Variants in TSPAN9 observed in about 807,000 individuals in gnomAD.
TSPAN9 encodes the protein tetraspanin 9.
A neutral mutation model predicts 31.0 loss-of-function variants in TSPAN9; 16 were observed. The ratio of observed to expected loss-of-function variants is 0.52; its 90% CI spans 0.35 to 0.78. The LOEUF (loss-of-function observed/expected upper bound fraction) is 0.78, where lower values mean the gene tolerates loss of function less well. TSPAN9 is among the 30% of genes least tolerant of loss of function. TSPAN9 has a pLI of 0.01. For synonymous variants in TSPAN9, 145 were observed against 121.6 expected (o/e 1.19, Z -1.27); for missense variants, 272 against 312.5 (o/e 0.87, Z 0.98).
At chr12:3,216,421 G>A (rs992304027) in intron 3 of TSPAN9, among the ~76,000 whole-genome samples, 2 of 152,030 alleles carry the variant, frequency 1.3e-5, no homozygotes, top group Non-Finnish European at 2.9e-5. Flanking sequence ...TGGTCAGAGT[G>A]GTTGGGGTTC....
At chr12:3,139,307 G>T (rs1011930122) in intron 2 of TSPAN9, among the ~76,000 whole-genome samples, 1 of 152,162 alleles carries the variant, frequency 6.6e-6, no homozygotes, top group East Asian at 1.9e-4. Context: ...TCAGCAGGTG[G>T]CTGAGTAGGA....
chr12:3,281,433 C>T (rs1239246505), intron 7 of TSPAN9, 104 bp downstream of exon 7: 1 of 1,429,086 alleles, frequency 7.0e-7, no homozygotes, highest in Non-Finnish European at 9.2e-7. Flanking sequence ...AAGAGGTTGG[C>T]TGAATGTGGC....
intron 2 of TSPAN9, among the ~76,000 whole-genome samples, chr12:3,154,354 G>T (rs1200948316): frequency 1.3e-5 from 2 of 152,150 alleles, no homozygotes; most frequent in African/African-American, 2.4e-5. Context: ...CTGGTACATA[G>T]ATTTTGCGTA....
intron 2 of TSPAN9, among the ~76,000 whole-genome samples, chr12:3,166,278 C>A (rs1321589092): frequency 6.6e-6 from 1 of 152,166 alleles, no homozygotes; most frequent in Non-Finnish European, 1.5e-5. Context: ...GTGCTTAGTT[C>A]TTGCAAGCAG....
chr12:3,125,091 G>GA (rs2098326738), intron 2 of TSPAN9: 4 of 151,636 alleles, frequency 2.6e-5, no homozygotes, highest in Non-Finnish European at 2.9e-5. Context: ...TAACATTAAT[G>GA]AAAAAATGTC....
intron 3 of TSPAN9, among the ~76,000 whole-genome samples, chr12:3,251,025 C>G (rs191978616): frequency 1.1e-4 from 16 of 152,300 alleles, no homozygotes; most frequent in African/African-American, 3.6e-4. Flanking sequence ...TCTTCCTCCC[C>G]CTACCCCTGT....
At chr12:3,078,437 T>G (rs1265946572) in intron 1 of TSPAN9, among the ~76,000 whole-genome samples, 1 of 152,198 alleles carries the variant, frequency 6.6e-6, no homozygotes, top group Non-Finnish European at 1.5e-5. Context: ...GCCAGCTCCC[T>G]TCTCTTTACT....
At chr12:3,154,341 G>A (rs12582837) in intron 2 of TSPAN9, among the ~76,000 whole-genome samples, 20,380 of 152,150 alleles carry the variant, frequency 0.13, 1,649 homozygotes, top group South Asian at 0.19. Flanking sequence ...GAAGCCCGCT[G>A]GCCTGGTACA....
At chr12:3,127,734 C>T (rs2098327993) in intron 2 of TSPAN9, among the ~76,000 whole-genome samples, 1 of 152,126 alleles carries the variant, frequency 6.6e-6, no homozygotes, top group Admixed American at 6.5e-5. Context: ...AAACCAGTAA[C>T]ATAGTTGTTT....
rs112013022 is a variant in TSPAN9, at chr12:3,203,079, A to G, written c.63+1823A>G. Among the ~76,000 whole-genome samples, 789 of 152,084 alleles carry G rather than the reference A, an allele frequency of 5.2e-3. 4 individuals carry two copies. The highest frequency in any genetic ancestry group is 0.018 in the African/African-American group (756 of 41,490). ...CTTTTTGTTTTGTCCCACCCTGCCTATATTAAGCCTTATTAGGAAGACAGA... is the reference window on the plus strand; with the variant it reads ...CTTTTTGTTTTGTCCCACCCTGCCTGTATTAAGCCTTATTAGGAAGACAGA... On this transcript the variant is annotated intron_variant, in intron 3 of 8. Transcript: ENST00000011898.
intron 3 of TSPAN9, among the ~76,000 whole-genome samples, chr12:3,248,753 G>C (rs1050163401): frequency 1.3e-5 from 2 of 152,136 alleles, no homozygotes; most frequent in Non-Finnish European, 2.9e-5. Flanking sequence ...GTGTGGCTGA[G>C]CCCAGAACGG....
At chr12:3,152,532 G>A (rs182223798) in intron 2 of TSPAN9, among the ~76,000 whole-genome samples, 2 of 152,340 alleles carry the variant, frequency 1.3e-5, no homozygotes, top group African/African-American at 4.8e-5. Flanking sequence ...TCTTGGGGGA[G>A]AATGCTGGAC....
At chr12:3,082,083 TAA>T (rs972509190) in intron 1 of TSPAN9, among the ~76,000 whole-genome samples, 3 of 152,006 alleles carry the variant, frequency 2.0e-5, no homozygotes, top group African/African-American at 7.3e-5. Flanking sequence ...TATAAGCCAG[TAA>T]AGAGTTGAGA....
intron 2 of TSPAN9, among the ~76,000 whole-genome samples, chr12:3,174,945 G>A (rs1393403111): frequency 1.3e-5 from 2 of 152,202 alleles, no homozygotes; most frequent in African/African-American, 2.4e-5. Flanking sequence ...AGTGTGAGAA[G>A]GCCGCCCGGA....
At position 3,172,587 on chromosome 12, in the gene TSPAN9, T is replaced by G. The variant is rs2098352652; in HGVS notation, c.-17-28590T>G. ...TGGGGTGTTTTCACTGACGTTTGGTTGGCCCTGCCAGCGGTGCTCACGAGG... is the reference window on the plus strand; with the variant it reads ...TGGGGTGTTTTCACTGACGTTTGGTGGGCCCTGCCAGCGGTGCTCACGAGG... On this transcript the variant is annotated intron_variant, in intron 2 of 8. Transcript: ENST00000011898. The surrounding 1 kb of genome is among the most constrained non-coding windows in gnomAD (Gnocchi z 4.8). 6.6e-6 allele frequency: 1 copy of G among 152,202 alleles called. No individual in the cohort carries two copies. Among genetic ancestry groups the G allele is most frequent in the Admixed American group, 6.5e-5 (1 of 15,282 alleles). 9.4% of individuals were successfully genotyped at this position (152,202 alleles called of 1,614,324 possible). A position where few individuals can be genotyped will look rare whatever the true frequency, so the allele number is the denominator to read the frequency against.
chr12:3,187,045 C>T lies in TSPAN9; in HGVS notation c.-17-14132C>T, dbSNP rs938149212. Among the ~76,000 whole-genome samples, 2 of 152,152 alleles carry T rather than the reference C, an allele frequency of 1.3e-5. No individual in the cohort carries two copies. Among genetic ancestry groups the T allele is most frequent in the African/African-American group, 4.8e-5 (2 of 41,422 alleles). Reference sequence around the variant, plus strand: ...CATGGCATTGGCAAGCGCTCTGAATCGGGGCTTTTCCCCTGTAGAGCTGAT... The same window carrying T: ...CATGGCATTGGCAAGCGCTCTGAATTGGGGCTTTTCCCCTGTAGAGCTGAT... On this transcript the variant is annotated intron_variant, in intron 2 of 8. Coordinates refer to ENST00000011898, the MANE Select transcript of TSPAN9 (RefSeq NM_006675.5). The surrounding 1 kb of genome is among the most constrained non-coding windows in gnomAD (Gnocchi z 5.2).
chr12:3,108,127 G>C (rs1278393469), intron 2 of TSPAN9, among the ~76,000 whole-genome samples: 1 of 152,176 alleles, frequency 6.6e-6, no homozygotes, highest in Non-Finnish European at 1.5e-5. Context: ...TGAAGGTATT[G>C]AAAGGAATAA....
intron 3 of TSPAN9, among the ~76,000 whole-genome samples, chr12:3,234,423 C>G (rs908300400): frequency 1.3e-5 from 2 of 152,302 alleles, no homozygotes; most frequent in East Asian, 1.9e-4. Context: ...ATGACCCCCT[C>G]CCTCTGCTCC....
chr12:3,146,127 A>G (rs571694669), intron 2 of TSPAN9, among the ~76,000 whole-genome samples: 54 of 152,340 alleles, frequency 3.5e-4, no homozygotes, highest in African/African-American at 1.2e-3. Flanking sequence ...GTAAAATGAG[A>G]AGATTGGGCC....
Sources: allele counts gnomAD v4.1 joint callset (sites outside exome capture counted in the v4.1 genomes callset), GRCh38; gene constraint gnomAD v4.1.1; non-coding constraint Gnocchi (gnomAD v3.1); transcripts MANE v1.5; gene names NCBI Gene and HGNC (gene_info 2026-07-23, HGNC 2026-07-21).